POU2F2: variants seen among roughly 807,000 people sequenced by gnomAD.
The protein encoded by POU2F2 is POU domain, class 2, transcription factor 2.
In POU2F2, 14 loss-of-function variants were observed where a neutral mutation model predicts 63.5. The observed-to-expected ratio is 0.22, with a 90% CI of 0.15 to 0.34. POU2F2 has a LOEUF of 0.34. Ranked by LOEUF, POU2F2 falls within the 10% of genes least tolerant of loss-of-function variation. The pLI, the probability that POU2F2 is intolerant of heterozygous loss-of-function variation, is 1.00. For missense variants in POU2F2, 607 were observed against 815.2 expected, an observed-to-expected ratio of 0.74 and a Z score of 3.11; for synonymous variants, 306 against 348.6, an observed-to-expected ratio of 0.88 and a Z score of 1.36.
At chr19:42,116,824 G>C in intron 5 of POU2F2, 1 of 391,970 alleles carries the variant, frequency 2.6e-6, no homozygotes, top group Non-Finnish European at 5.1e-6. Context: ...GGGCTGTGAG[G>C]TCGAGGAGGA....
At chr19:42,137,327 A>C (rs143434943), upstream of POU2F2, among the ~76,000 whole-genome samples, 12 of 152,232 alleles carry the variant, frequency 7.9e-5, no homozygotes, top group Admixed American at 7.2e-4. Context: ...TGACAGAGCA[A>C]GACTCAATCT....
At chr19:42,139,178 G>C (rs1300870477) in intron 2 of POU2F2, among the ~76,000 whole-genome samples, 1 of 152,078 alleles carries the variant, frequency 6.6e-6, no homozygotes, top group African/African-American at 2.4e-5. Flanking sequence ...AAATTAGCTG[G>C]GCATGGTGGC....
At chr19:42,182,355 G>T (rs891359944) in intron 1 of POU2F2, among the ~76,000 whole-genome samples, 1 of 151,904 alleles carries the variant, frequency 6.6e-6, no homozygotes, top group Admixed American at 6.6e-5. Context: ...GATGTGGTGC[G>T]GGAGCAAGGA....
rs1298689113 is a variant in POU2F2, at chr19:42,092,756, G to T, written c.1265-486C>A. 6.6e-6 allele frequency among the ~76,000 whole-genome samples: 1 copy of T among 152,096 alleles called. No individual in the cohort carries two copies. Among genetic ancestry groups the T allele is most frequent in the African/African-American group, 2.4e-5 (1 of 41,408 alleles). ...AGTGCCTTAACCTCTCTGACCTTCA[G>T]ATCCCTTGTCTGGAAAATGGGGATA... On this transcript the variant is annotated intron_variant, in intron 12 of 14. Coordinates refer to ENST00000692977, the MANE Select transcript of POU2F2 (RefSeq NM_001394376.1). The surrounding 1 kb of genome is among the most constrained non-coding windows in gnomAD (Gnocchi z 5.0).
intron 1 of POU2F2, among the ~76,000 whole-genome samples, chr19:42,124,849 C>G (rs1219505004): frequency 6.6e-6 from 1 of 152,068 alleles, no homozygotes; most frequent in Non-Finnish European, 1.5e-5. Context: ...ACAGGAAATT[C>G]AAAAACGGGC....
In POU2F2 at chr19:42,104,322, A is replaced by C. The variant is rs1051371188; in HGVS notation, c.370-4501T>G. On this transcript the variant is annotated intron_variant, in intron 5 of 14. Transcript: ENST00000692977. ...TACAACTGCACACAGCCTTCAACTC[A>C]GCCATTCTACTGCTAAAAATTTATC... is the stretch of plus-strand genomic sequence containing the variant. Among the ~76,000 whole-genome samples the C allele has an allele frequency of 2.6e-4, 40 of 152,084 alleles. 1 individual carries two copies. Among genetic ancestry groups the C allele is most frequent in the African/African-American group, 9.7e-4 (40 of 41,408 alleles).
chr19:42,093,567 C>A, intron 12 of POU2F2: 1 of 385,928 alleles, frequency 2.6e-6, no homozygotes, highest in Non-Finnish European at 4.6e-6. Flanking sequence ...ATGACAGAGG[C>A]CAGGCACAAA....
intron 2 of POU2F2, among the ~76,000 whole-genome samples, chr19:42,146,400 C>T (rs1202839837): frequency 1.3e-5 from 2 of 152,226 alleles, no homozygotes; most frequent in Admixed American, 1.3e-4. Context: ...TATCTCCCAT[C>T]CCCGTCCCCA....
chr19:42,091,460 G>A lies in POU2F2; in HGVS notation c.1672C>T (p.Leu558=). Reference sequence around the variant, plus strand: ...CCAGGCGGGGTGCTGAGCAGGGGCAGCCCAGCATGATTCAAGAAGAGCGGC... The same window carrying A: ...CCAGGCGGGGTGCTGAGCAGGGGCAACCCAGCATGATTCAAGAAGAGCGGC... ...TSPLFLNHAG[L]PLLSTPPGVG... is the part of the protein sequence containing the mutation. Residue 558 remains leucine (L), a synonymous_variant, in exon 15 of 15, where the codon CTG becomes TTG. Transcript: ENST00000692977. 1 of 1,551,016 alleles carries A rather than the reference G, an allele frequency of 6.4e-7. No homozygotes were observed. Among genetic ancestry groups the A allele is most frequent in the Non-Finnish European group, 8.7e-7 (1 of 1,146,764 alleles).
At chr19:42,170,299 C>A (rs1158275336) in intron 1 of POU2F2, among the ~76,000 whole-genome samples, 1 of 151,888 alleles carries the variant, frequency 6.6e-6, no homozygotes, top group African/African-American at 2.4e-5. Context: ...AGCCCACACC[C>A]GCCGACACCT....
At chr19:42,178,043 CAAAGAG>C (rs764833950), upstream of POU2F2, among the ~76,000 whole-genome samples, 21 of 151,302 alleles carry the variant, frequency 1.4e-4, no homozygotes, top group Admixed American at 3.3e-4. Flanking sequence ...CACCCAGAGA[CAAAGAG>C]GAAAAGGAGA....
chr19:42,136,506 CAA>C (rs141390566), upstream of POU2F2, among the ~76,000 whole-genome samples: 14,191 of 152,138 alleles, frequency 0.093, 890 homozygotes, highest in Middle Eastern at 0.2. Flanking sequence ...CTATTTGAAC[CAA>C]TATATTATTT....
chr19:42,123,926 C>T (rs1172976863), intron 1 of POU2F2, among the ~76,000 whole-genome samples: 8 of 152,158 alleles, frequency 5.3e-5, no homozygotes, highest in Admixed American at 5.2e-4. Flanking sequence ...CCACAACTCA[C>T]TCCAAAATCC....
intron 4 of POU2F2, among the ~76,000 whole-genome samples, 186 bp downstream of exon 4, chr19:42,121,940 A>G (rs2032666600): frequency 6.6e-6 from 1 of 151,576 alleles, no homozygotes; most frequent in South Asian, 2.1e-4. Context: ...CCCCCTAGGG[A>G]AGGGGAAGGA....
intron 5 of POU2F2, among the ~76,000 whole-genome samples, chr19:42,105,610 G>A (rs886107051): frequency 1.3e-5 from 2 of 152,186 alleles, no homozygotes; most frequent in African/African-American, 4.8e-5. Context: ...TGGGGAAAGT[G>A]CATCCCAGTT....
At chr19:42,150,800 C>T (rs2146771766) in intron 2 of POU2F2, among the ~76,000 whole-genome samples, 1 of 152,138 alleles carries the variant, frequency 6.6e-6, no homozygotes. Context: ...ATGCCGCAGG[C>T]CGGGTGGGGG....
intron 5 of POU2F2, among the ~76,000 whole-genome samples, chr19:42,107,595 C>T (rs557890450): frequency 4.6e-5 from 7 of 152,176 alleles, no homozygotes; most frequent in East Asian, 1.9e-4. Flanking sequence ...GTCTCAGTAC[C>T]GCTAATACTA....
chr19:42,105,522 A>G (rs1019276468), intron 5 of POU2F2, among the ~76,000 whole-genome samples: 12 of 152,286 alleles, frequency 7.9e-5, no homozygotes, highest in South Asian at 4.2e-4. Flanking sequence ...ATGACTCTCA[A>G]TGAAAATTCC....
At chr19:42,104,887 C>T (rs2146426146) in intron 5 of POU2F2, among the ~76,000 whole-genome samples, 1 of 152,294 alleles carries the variant, frequency 6.6e-6, no homozygotes, top group South Asian at 2.1e-4. Context: ...GGTGCCTCTG[C>T]TTATTCCGTG....
Sources: allele counts gnomAD v4.1 joint callset (sites outside exome capture counted in the v4.1 genomes callset), GRCh38; gene constraint gnomAD v4.1.1; non-coding constraint Gnocchi (gnomAD v3.1); transcripts MANE v1.5; gene names NCBI Gene and HGNC (gene_info 2026-07-23, HGNC 2026-07-21).